The following DCBLD2 variants were observed in gnomAD, a reference collection of about 807,000 sequenced individuals.
DCBLD2 encodes the protein discoidin, CUB and LCCL domain containing 2.
DCBLD2 carries 54 observed loss-of-function variants against 86.8 expected under a neutral mutation model. The observed-to-expected ratio is 0.62, with a 90% CI of 0.50 to 0.78. The LOEUF (loss-of-function observed/expected upper bound fraction) is 0.78. DCBLD2 is among the 30% of genes least tolerant of loss of function. The pLI is 0.00. For synonymous variants in DCBLD2, 354 were observed against 341.3 expected (o/e 1.04, Z -0.41); for missense variants, 908 against 954.2 (o/e 0.95, Z 0.64).
chr3:98,809,197 T>G (rs954504568), intron 12 of DCBLD2, among the ~76,000 whole-genome samples: 1 of 152,248 alleles, frequency 6.6e-6, no homozygotes, highest in South Asian at 2.1e-4. Flanking sequence ...GAAAATGATC[T>G]GCCTAAGGTC....
intron 2 of DCBLD2, among the ~76,000 whole-genome samples, chr3:98,867,166 C>T (rs1365534285): frequency 6.6e-6 from 1 of 152,206 alleles, no homozygotes; most frequent in Non-Finnish European, 1.5e-5. Context: ...GTTCTTTTGG[C>T]TTAGGATTGA....
chr3:98,882,834 GGGTTA>G (rs1291990156), intron 1 of DCBLD2, among the ~76,000 whole-genome samples: 1 of 152,136 alleles, frequency 6.6e-6, no homozygotes, highest in African/African-American at 2.4e-5. Flanking sequence ...ATGAACACTT[GGGTTA>G]GTTCCAAGTC....
intron 3 of DCBLD2, among the ~76,000 whole-genome samples, chr3:98,842,079 A>T (rs1182544156): frequency 6.6e-6 from 1 of 152,220 alleles, no homozygotes; most frequent in Non-Finnish European, 1.5e-5. Context: ...AAGAAAGCAC[A>T]GAAGTACTGT....
At chr3:98,848,936 G>A (rs1456130166) in intron 3 of DCBLD2, among the ~76,000 whole-genome samples, 4 of 152,112 alleles carry the variant, frequency 2.6e-5, no homozygotes, top group South Asian at 2.1e-4. Context: ...TTGGGAGGCC[G>A]AGCCAGGCGG....
At chr3:98,887,552 G>T (rs1290227578) in intron 1 of DCBLD2, among the ~76,000 whole-genome samples, 3 of 151,724 alleles carry the variant, frequency 2.0e-5, no homozygotes, top group African/African-American at 4.8e-5. Flanking sequence ...CTGAAGTTTT[G>T]TCTGAAATTA....
intron 1 of DCBLD2, chr3:98,890,498 T>G (rs892554031): frequency 1.3e-5 from 2 of 152,086 alleles, no homozygotes; most frequent in Non-Finnish European, 2.9e-5. Context: ...TTGTGGTACT[T>G]TGTTACAGCT....
intron 4 of DCBLD2, among the ~76,000 whole-genome samples, chr3:98,823,607 T>G (rs1037920997): frequency 1.6e-4 from 23 of 148,350 alleles, no homozygotes; most frequent in African/African-American, 5.0e-4. Flanking sequence ...ATTAAACCAA[T>G]ACTTACACAA....
intron 2 of DCBLD2, among the ~76,000 whole-genome samples, chr3:98,864,543 T>C (rs979154709): frequency 6.6e-6 from 1 of 152,254 alleles, no homozygotes; most frequent in African/African-American, 2.4e-5. Flanking sequence ...GATGAGTTCA[T>C]GTCCTTTGTA....
intron 2 of DCBLD2, among the ~76,000 whole-genome samples, chr3:98,876,147 A>T (rs1219454207): frequency 1.3e-5 from 2 of 152,082 alleles, no homozygotes; most frequent in Non-Finnish European, 2.9e-5. Context: ...AATTATTTGT[A>T]GCATATACCA....
chr3:98,870,755 A>AAG (rs1553731676), intron 2 of DCBLD2, among the ~76,000 whole-genome samples: 2 of 139,566 alleles, frequency 1.4e-5, no homozygotes, highest in Admixed American at 7.1e-5. Flanking sequence ...GAAAGAAAGA[A>AAG]AGAAAGAAAG....
chr3:98,896,351 A>G (rs954201475), intron 1 of DCBLD2, among the ~76,000 whole-genome samples: 2 of 152,256 alleles, frequency 1.3e-5, no homozygotes, highest in Non-Finnish European at 2.9e-5. Flanking sequence ...GAACTGAAAT[A>G]CTTTCTCAAA....
At position 98,823,777 on chromosome 3, in the gene DCBLD2, G is replaced by A. The variant is rs139026813; in HGVS notation, c.624-1036C>T. Reference sequence around the variant, plus strand: ...TAAGAACTCTATGGAGGAGATGCTAGTGTTGTCCTCATTTTAGGAAACAGG... The same window carrying A: ...TAAGAACTCTATGGAGGAGATGCTAATGTTGTCCTCATTTTAGGAAACAGG... On this transcript the variant is annotated intron_variant, in intron 4 of 15. Transcript: ENST00000326840. Among the ~76,000 whole-genome samples the A allele has an allele frequency of 1.2e-4, 18 of 152,320 alleles. 1 individual carries two copies. Among genetic ancestry groups the A allele is most frequent in the African/African-American group, 4.3e-4 (18 of 41,568 alleles).
At chr3:98,899,260 CTTTT>C (rs10605926) in intron 1 of DCBLD2, among the ~76,000 whole-genome samples, 12 of 101,746 alleles carry the variant, frequency 1.2e-4, no homozygotes, top group Non-Finnish European at 1.7e-4. Flanking sequence ...ATTTCTTTTT[CTTTT>C]TTTTTTTTTT....
chr3:98,843,552 G>A (rs1327117644), intron 3 of DCBLD2, among the ~76,000 whole-genome samples: 1 of 152,124 alleles, frequency 6.6e-6, no homozygotes, highest in Non-Finnish European at 1.5e-5. Context: ...GAATTATCTA[G>A]TCAGCCCTAC....
At chr3:98,833,468 T>A (rs1180968761) in intron 3 of DCBLD2, among the ~76,000 whole-genome samples, 1 of 152,230 alleles carries the variant, frequency 6.6e-6, no homozygotes, top group Non-Finnish European at 1.5e-5. Flanking sequence ...AGAACCCTCA[T>A]TGGTGAACTA....
intron 2 of DCBLD2, among the ~76,000 whole-genome samples, chr3:98,855,436 G>A (rs1221762208): frequency 2.6e-5 from 4 of 152,134 alleles, no homozygotes. Context: ...ATGCAACCCA[G>A]TGACCCAGCA....
At chr3:98,852,662 C>T (rs1025106099) in intron 2 of DCBLD2, among the ~76,000 whole-genome samples, 1 of 152,136 alleles carries the variant, frequency 6.6e-6, no homozygotes, top group Admixed American at 6.5e-5. Flanking sequence ...CAGGTAGGCC[C>T]ATTAAAAGCA....
Position 98,799,276 on chromosome 3 carries a change from A to C in DCBLD2, c.*96T>G. 1 of 1,287,390 alleles carries C rather than the reference A, an allele frequency of 7.8e-7. No individual in the cohort carries two copies. Among genetic ancestry groups the C allele is most frequent in the East Asian group, 2.4e-5 (1 of 42,190 alleles). 79.7% of individuals were successfully genotyped at this position (1,287,390 alleles called of 1,614,324 possible). On this transcript the variant is annotated 3_prime_UTR_variant, in exon 16 of 16. Transcript: ENST00000326840. ...CATTTTCCCCAACCACTTCAGTGACAGTTATGTAATACATTCTATATATTA... is the reference window on the plus strand; with the variant it reads ...CATTTTCCCCAACCACTTCAGTGACCGTTATGTAATACATTCTATATATTA...
At chr3:98,890,312 A>C (rs1258885886) in intron 1 of DCBLD2, 1 of 152,072 alleles carries the variant, frequency 6.6e-6, no homozygotes, top group African/African-American at 2.4e-5. Context: ...ACAGAGGCAG[A>C]GACTGGAGTG....
Sources: gnomAD v4.1 joint callset for allele counts (sites outside exome capture counted in the v4.1 genomes callset) on GRCh38, gnomAD v4.1.1 for gene constraint, MANE v1.5 for transcripts, NCBI Gene and HGNC (gene_info 2026-07-23, HGNC 2026-07-21) for gene names.